Variants in SLC26A3 observed in about 807,000 individuals in gnomAD.
SLC26A3 encodes chloride anion exchanger.
Under a neutral mutation model 85.6 loss-of-function variants are expected in SLC26A3, and 64 were observed. That is an observed-to-expected ratio of 0.75 (90% confidence interval 0.61 to 0.92). The LOEUF is 0.92. Ranked by LOEUF, SLC26A3 falls within the 40% of genes least tolerant of loss-of-function variation. The probability of loss-of-function intolerance (pLI) is 0.00; values close to 1 mark genes in which losing one functional copy is unlikely to be tolerated. For missense variants in SLC26A3, 922 were observed against 927.3 expected, an observed-to-expected ratio of 0.99 and a Z score of 0.07; for synonymous variants, 349 against 336.0, an observed-to-expected ratio of 1.04 and a Z score of -0.42.
intron 18 of SLC26A3, 118 bp downstream of exon 18, chr7:107,771,936 T>G: frequency 1.3e-6 from 1 of 752,354 alleles, no homozygotes; most frequent in South Asian, 1.5e-5. Context: ...TGGCTGCATA[T>G]TAGATTTTCA....
rs1339634375 is a variant in SLC26A3, at chr7:107,767,460, G to A, written c.2271+119C>T. The A allele has an allele frequency of 5.2e-6, 4 of 763,176 alleles. No homozygotes were observed. The East Asian group carries it at 7.9e-5, about 15-fold the overall frequency. 47.3% of individuals were successfully genotyped at this position (763,176 alleles called of 1,614,324 possible). On this transcript the variant is annotated intron_variant, in intron 20 of 20. Coordinates refer to ENST00000340010, the MANE Select transcript of SLC26A3 (RefSeq NM_000111.3). Reference sequence around the variant, plus strand: ...ATTGCTTCAGTTTTCTAGGGATGAGGCACAGAGGCTCAAGCAAGTGCTGGA... The same window carrying A: ...ATTGCTTCAGTTTTCTAGGGATGAGACACAGAGGCTCAAGCAAGTGCTGGA...
At chr7:107,791,485 G>A (rs1017201847) in intron 4 of SLC26A3, among the ~76,000 whole-genome samples, 3 of 152,134 alleles carry the variant, frequency 2.0e-5, no homozygotes, top group Non-Finnish European at 4.4e-5. Context: ...GATGGTGCAT[G>A]CCTGTAATCC....
chr7:107,794,951 T>A (rs1794471819), intron 1 of SLC26A3, among the ~76,000 whole-genome samples: 1 of 152,100 alleles, frequency 6.6e-6, no homozygotes, highest in South Asian at 2.1e-4. Context: ...AGGTTAGATT[T>A]AAAGTTTTTT....
rs1794625907 is a variant in SLC26A3 at position 107,803,151 on chromosome 7, A to C, written c.-129T>G. On this transcript the variant is annotated 5_prime_UTR_variant, in exon 1 of 21. It removes an upstream start codon present in the reference 5' UTR. Transcript: ENST00000340010. ...TGAGGAGCTTCTGCAACAGTGGTAC[A>C]TTTTCAAGATAAAGTTCTAAGTTCT... is the stretch of plus-strand genomic sequence containing the variant. 6.6e-6 allele frequency: 1 copy of C among 152,314 alleles called. No homozygotes were observed. Among genetic ancestry groups the C allele is most frequent in the Non-Finnish European group, 1.5e-5 (1 of 68,032 alleles). 9.4% of individuals were successfully genotyped at this position (152,314 alleles called of 1,614,324 possible). A position where few individuals can be genotyped will look rare whatever the true frequency, so the allele number is the denominator to read the frequency against.
intron 16 of SLC26A3, 65 bp downstream of exon 16, chr7:107,774,712 C>T (rs2115815254): frequency 1.7e-6 from 2 of 1,147,444 alleles, no homozygotes; most frequent in Admixed American, 1.7e-5. Context: ...AATGGAACTA[C>T]ACCTTGAATC....
rs78551807 is a variant in SLC26A3, at chr7:107,784,419, C to T, written c.972-1067G>A. Among the ~76,000 whole-genome samples, 734 of 152,254 alleles carry T rather than the reference C, an allele frequency of 4.8e-3. 8 individuals are homozygous for T. The highest frequency in any genetic ancestry group is 7.2e-3 in the Non-Finnish European group (491 of 68,034). Reference sequence around the variant, plus strand: ...ACTTGCCCTTCCCAAGTCACAATTTCCTCATTTGTAGAGTGAGGATAATAA... The same window carrying T: ...ACTTGCCCTTCCCAAGTCACAATTTTCTCATTTGTAGAGTGAGGATAATAA... On this transcript the variant is annotated intron_variant, in intron 8 of 20. Transcript: ENST00000340010.
At chr7:107,798,579 G>C (rs1390821305) in intron 1 of SLC26A3, among the ~76,000 whole-genome samples, 1 of 152,146 alleles carries the variant, frequency 6.6e-6, no homozygotes, top group Non-Finnish European at 1.5e-5. Context: ...AGCGGTGCTA[G>C]GATTTGTCTT....
chr7:107,789,208 C>G (rs561130489), intron 6 of SLC26A3, among the ~76,000 whole-genome samples: 1 of 151,186 alleles, frequency 6.6e-6, no homozygotes, highest in Non-Finnish European at 1.5e-5. Flanking sequence ...GATCCGCCTC[C>G]TGGGTTCACA....
intron 7 of SLC26A3, 48 bp from the exon 8 acceptor site, chr7:107,786,957 G>A (rs1404045670): frequency 1.3e-6 from 2 of 1,484,968 alleles, no homozygotes; most frequent in Non-Finnish European, 9.4e-7. Flanking sequence ...ATGCAAGTAA[G>A]AGTCTTGCTT....
At chr7:107,800,052 G>T (rs543165382) in intron 1 of SLC26A3, among the ~76,000 whole-genome samples, 3 of 152,114 alleles carry the variant, frequency 2.0e-5, no homozygotes, top group Admixed American at 2.0e-4. Context: ...TTTGGCTCTG[G>T]TCTATCTCAC....
chr7:107,773,980 G>A lies in SLC26A3; in HGVS notation c.1947C>T (p.Leu649=), dbSNP rs1046906517. ...AGGACACTGCTGAAAAGTCAAGAAT[G>A]AGGCTGTGGAGGCTGATTTTGGGGA... ...IEVPKISLHS[L]ILDFSAVSFL... Residue 649 remains leucine, a synonymous_variant, in exon 17 of 21, where the codon CTC becomes CTT. Coordinates refer to ENST00000340010, the MANE Select transcript of SLC26A3 (RefSeq NM_000111.3). The A allele has an allele frequency of 6.2e-6, 10 of 1,614,174 alleles. No individual in the cohort carries two copies. The highest frequency in any genetic ancestry group is 1.7e-5 in the Admixed American group (1 of 60,020).
intron 1 of SLC26A3, among the ~76,000 whole-genome samples, chr7:107,798,441 C>T (rs1347004788): frequency 1.3e-5 from 2 of 152,152 alleles, no homozygotes; most frequent in African/African-American, 2.4e-5. Flanking sequence ...CTCTGCCTGC[C>T]CCGCTCTGCT....
intron 18 of SLC26A3, among the ~76,000 whole-genome samples, chr7:107,768,319 T>C (rs1472215680): frequency 1.3e-5 from 2 of 152,226 alleles, no homozygotes; most frequent in Admixed American, 1.3e-4. Flanking sequence ...TGTGGTTCTT[T>C]ATTGTAGCCC....
At position 107,786,835 on chromosome 7, in the gene SLC26A3, C is replaced by G. The variant is rs1794303829; in HGVS notation, c.963G>C (p.Met321Ile). The change falls in exon 8 of 21, where the codon ATG (methionine) becomes ATC (isoleucine). Residue 321 changes from methionine to isoleucine, a missense_variant. Met to Ile is a conservative substitution (Grantham distance 10). Coordinates refer to ENST00000340010, the MANE Select transcript of SLC26A3 (RefSeq NM_000111.3). Reference sequence around the variant, plus strand: ...ATCGAAGACACACTTACCCAGGATTCATGTCCCCAACCACAGCCACTTTAA... The same window carrying G: ...ATCGAAGACACACTTACCCAGGATTGATGTCCCCAACCACAGCCACTTTAA... ...NRFKVAVVGDMNPGFQPPITP... is the reference protein window; with the variant it reads ...NRFKVAVVGDINPGFQPPITP... 6.2e-7 allele frequency: 1 copy of G among 1,613,522 alleles called. No individual in the cohort carries two copies. The highest frequency in any genetic ancestry group is 8.5e-7 in the Non-Finnish European group (1 of 1,179,596).
chr7:107,765,542 G>T lies in SLC26A3; in HGVS notation c.*313C>A, dbSNP rs763857842. 7 of 265,868 alleles carry T rather than the reference G, an allele frequency of 2.6e-5. No individual in the cohort carries two copies. Among genetic ancestry groups the T allele is most frequent in the Non-Finnish European group, 5.0e-5 (7 of 140,084 alleles). The allele number at this position is 265,868 out of a possible 1,614,324, so 16.5% of individuals were successfully genotyped here. A position where few individuals can be genotyped will look rare whatever the true frequency, so the allele number is the denominator to read the frequency against. On this transcript the variant is annotated 3_prime_UTR_variant, in exon 21 of 21. Coordinates refer to ENST00000340010, the MANE Select transcript of SLC26A3 (RefSeq NM_000111.3). ...AAATTATGAGATTCAAAACAGTGGC[G>T]CCACTATACTGCTAAACCTATGCAT...
rs200098446 is a variant in SLC26A3 at position 107,786,613 on chromosome 7, GA to G, written c.971+213del. ...AGAACTGCATTCACTGTGGGGAGGCGAAAAAAAAAAAAAAAGAACTGCACAC... is the reference window on the plus strand; with the variant it reads ...AGAACTGCATTCACTGTGGGGAGGCGAAAAAAAAAAAAAAGAACTGCACAC... On this transcript the variant is annotated intron_variant, in intron 8 of 20. Coordinates refer to ENST00000340010, the MANE Select transcript of SLC26A3 (RefSeq NM_000111.3). Among the ~76,000 whole-genome samples, 3,790 of 132,260 alleles carry G rather than the reference GA, an allele frequency of 0.029. 99 individuals carry two copies. The highest frequency in any genetic ancestry group is 0.082 in the East Asian group (389 of 4,746). 86.8% of individuals were successfully genotyped at this position (132,260 alleles called of 152,430 possible).
At chr7:107,778,916 A>G (rs147217802) in intron 12 of SLC26A3, among the ~76,000 whole-genome samples, 1 of 152,240 alleles carries the variant, frequency 6.6e-6, no homozygotes, top group East Asian at 1.9e-4. Context: ...GCCTGAGCCC[A>G]GGAGTTTGAG....
At chr7:107,782,148 T>G (rs1388146954) in intron 11 of SLC26A3, among the ~76,000 whole-genome samples, 1 of 152,168 alleles carries the variant, frequency 6.6e-6, no homozygotes, top group Non-Finnish European at 1.5e-5. Context: ...AAAATTATAT[T>G]AAAACCACAA....
Position 107,772,163 on chromosome 7 carries a change from A to G in SLC26A3, c.2008-55T>C, listed in dbSNP as rs1032770640. ...GGGAACAGTTTCACTTGTCAGAAAT[A>G]TAAAGAAAACAATCAGAATTATACC... On this transcript the variant is annotated intron_variant, in intron 17 of 20. Transcript: ENST00000340010. The G allele has an allele frequency of 3.9e-6, 4 of 1,029,482 alleles. No individual in the cohort carries two copies. In the African/African-American group the frequency reaches 4.7e-5, roughly 12 times the overall value. The allele number at this position is 1,029,482 out of a possible 1,614,324, so 63.8% of individuals were successfully genotyped here.
Sources: gnomAD v4.1 joint callset for allele counts (sites outside exome capture counted in the v4.1 genomes callset) on GRCh38, gnomAD v4.1.1 for gene constraint, MANE v1.5 for transcripts, NCBI Gene and HGNC (gene_info 2026-07-23, HGNC 2026-07-21) for gene names.